ABCD2: variants seen among roughly 807,000 people sequenced by gnomAD.
ABCD2 encodes the protein ATP-binding cassette sub-family D member 2.
ABCD2 carries 36 observed loss-of-function variants against 70.9 expected under a neutral mutation model. That is an observed-to-expected ratio of 0.51 (90% CI 0.39 to 0.67). ABCD2 has a LOEUF of 0.67. Ranked by LOEUF, ABCD2 falls within the 30% of genes least tolerant of loss-of-function variation. The pLI is 0.00. For missense variants in ABCD2, 729 were observed against 890.2 expected, an observed-to-expected ratio of 0.82 and a Z score of 2.30; for synonymous variants, 304 against 306.9, an observed-to-expected ratio of 0.99 and a Z score of 0.10.
chr12:39,587,335 G>A (rs187118981), intron 6 of ABCD2, among the ~76,000 whole-genome samples: 40 of 152,234 alleles, frequency 2.6e-4, no homozygotes, highest in African/African-American at 9.1e-4. Flanking sequence ...TCTCAACAAC[G>A]GCACTTTGGC....
chr12:39,596,691 G>T (rs959528301), intron 6 of ABCD2, among the ~76,000 whole-genome samples: 3 of 152,136 alleles, frequency 2.0e-5, no homozygotes, highest in Non-Finnish European at 2.9e-5. Context: ...GGCCTGCATA[G>T]TAAGTTTGAA....
At chr12:39,587,339 C>T (rs1941679830) in intron 6 of ABCD2, among the ~76,000 whole-genome samples, 1 of 152,056 alleles carries the variant, frequency 6.6e-6, no homozygotes, top group Non-Finnish European at 1.5e-5. Flanking sequence ...AACAACGGCA[C>T]TTTGGCTTAT....
At chr12:39,601,906 A>T (rs1053069683) in intron 5 of ABCD2, among the ~76,000 whole-genome samples, 21 of 152,132 alleles carry the variant, frequency 1.4e-4, no homozygotes, top group African/African-American at 4.8e-4. Context: ...AATGATTTTT[A>T]AAAAATCATA....
downstream of ABCD2, among the ~76,000 whole-genome samples, chr12:39,547,322 C>CT (rs755255767): frequency 6.6e-6 from 1 of 152,044 alleles, no homozygotes; most frequent in Non-Finnish European, 1.5e-5. Flanking sequence ...CAATTCACTT[C>CT]TAGGTATATA....
At chr12:39,542,527 G>A in the ABCD2 span, among the ~76,000 whole-genome samples, 1 of 151,906 alleles carries the variant, frequency 6.6e-6, no homozygotes, top group Non-Finnish European at 1.5e-5. Context: ...TAGTTAGAAA[G>A]CAATGGCAGT....
chr12:39,583,330 A>G (rs759675272), intron 7 of ABCD2, among the ~76,000 whole-genome samples: 7 of 152,224 alleles, frequency 4.6e-5, no homozygotes, highest in Non-Finnish European at 7.3e-5. Flanking sequence ...TTAAAAGTCC[A>G]TATTCTCAAT....
At position 39,619,650 on chromosome 12, in the gene ABCD2, T is replaced by A. The variant is rs1942168668; in HGVS notation, c.-35A>T. ...TACCCAAACCGGCTTCCAAAAGAAT[T>A]CGTTTTAAAAGATCATGCTTCACAG... On this transcript the variant is annotated 5_prime_UTR_variant, in exon 1 of 10. Coordinates refer to ENST00000308666, the MANE Select transcript of ABCD2 (RefSeq NM_005164.4). 1 of 1,571,064 alleles carries A rather than the reference T, an allele frequency of 6.4e-7. No individual in the cohort carries two copies. The highest frequency in any genetic ancestry group is 8.6e-7 in the Non-Finnish European group (1 of 1,159,542).
At chr12:39,555,785 A>G (rs1242888093) in intron 9 of ABCD2, among the ~76,000 whole-genome samples, 1 of 152,060 alleles carries the variant, frequency 6.6e-6, no homozygotes, top group Non-Finnish European at 1.5e-5. Context: ...GACAAACTCA[A>G]TTTCTGGTCT....
At chr12:39,607,743 G>C in intron 2 of ABCD2, 29 bp from the exon 3 acceptor site, 3 of 937,014 alleles carry the variant, frequency 3.2e-6, no homozygotes, top group African/African-American at 2.0e-5. Flanking sequence ...TACAAAACTT[G>C]AGTTTTTTTT....
chr12:39,533,697 C>G, the ABCD2 span, among the ~76,000 whole-genome samples: 1 of 152,140 alleles, frequency 6.6e-6, no homozygotes, highest in African/African-American at 2.4e-5. Flanking sequence ...ATGTCATAAT[C>G]TCTAGTTTTG....
At chr12:39,596,643 C>T (rs142740084) in intron 6 of ABCD2, among the ~76,000 whole-genome samples, 1 of 152,146 alleles carries the variant, frequency 6.6e-6, no homozygotes, top group Non-Finnish European at 1.5e-5. Flanking sequence ...TTGTGGGAAG[C>T]CTGAATCTAT....
At chr12:39,590,351 T>A (rs985344423) in intron 6 of ABCD2, among the ~76,000 whole-genome samples, 2 of 152,186 alleles carry the variant, frequency 1.3e-5, no homozygotes, top group Admixed American at 1.3e-4. Context: ...ATATCTAACA[T>A]AAGCAACAAA....
At chr12:39,606,309 C>G (rs1187432179) in intron 3 of ABCD2, among the ~76,000 whole-genome samples, 1 of 152,078 alleles carries the variant, frequency 6.6e-6, no homozygotes, top group Non-Finnish European at 1.5e-5. Context: ...AAACTTGGTC[C>G]CTCTGGTGCT....
At chr12:39,534,732 G>GGA in the ABCD2 span, among the ~76,000 whole-genome samples, 4 of 59,316 alleles carry the variant, frequency 6.7e-5, no homozygotes, top group South Asian at 7.5e-4. Context: ...GGAAGGAAAA[G>GGA]AAGGAAGGAA....
At chr12:39,604,089 G>A in intron 4 of ABCD2, 83 bp from the exon 5 acceptor site, 2 of 885,446 alleles carry the variant, frequency 2.3e-6, no homozygotes, top group Non-Finnish European at 3.5e-6. Flanking sequence ...AGTATAACAG[G>A]TAATTTCAAT....
At position 39,573,574 on chromosome 12, in the gene ABCD2, C is replaced by T. The variant is rs1941476751; in HGVS notation, c.2003+142G>A. The T allele has an allele frequency of 6.8e-6, 5 of 736,920 alleles. No homozygotes were observed. The South Asian group carries it at 1.2e-4, about 17-fold the overall frequency. 45.6% of individuals were successfully genotyped at this position (736,920 alleles called of 1,614,324 possible). A position where few individuals can be genotyped will look rare whatever the true frequency, so the allele number is the denominator to read the frequency against. On this transcript the variant is annotated intron_variant, in intron 9 of 9. Transcript: ENST00000308666. ...TGATATTAGGTAGGGAGTATCTAAGCTACTAATGTGCAACTTAAGAGAAAT... is the reference window on the plus strand; with the variant it reads ...TGATATTAGGTAGGGAGTATCTAAGTTACTAATGTGCAACTTAAGAGAAAT...
intron 9 of ABCD2, among the ~76,000 whole-genome samples, chr12:39,569,670 C>G (rs1216047425): frequency 6.6e-6 from 1 of 152,172 alleles, no homozygotes; most frequent in Admixed American, 6.5e-5. Flanking sequence ...TGAGATGAAC[C>G]CGGTACCTCA....
intron 3 of ABCD2, among the ~76,000 whole-genome samples, chr12:39,606,915 A>T (rs1419355644): frequency 1.3e-5 from 2 of 152,222 alleles, no homozygotes; most frequent in Non-Finnish European, 2.9e-5. Flanking sequence ...TTAGAAATGT[A>T]AAGATGAGTA....
chr12:39,532,374 A>G, the ABCD2 span, among the ~76,000 whole-genome samples: 74 of 152,354 alleles, frequency 4.9e-4, no homozygotes, highest in East Asian at 0.011. Context: ...GCTGTTCAAC[A>G]TCTCCAATAA....
Sources: allele counts gnomAD v4.1 joint callset (sites outside exome capture counted in the v4.1 genomes callset), GRCh38; gene constraint gnomAD v4.1.1; transcripts MANE v1.5; gene names NCBI Gene and HGNC (gene_info 2026-07-23, HGNC 2026-07-21).